The following UNC5C variants were observed in gnomAD, a reference collection of about 807,000 sequenced individuals.
UNC5C encodes unc-5 netrin receptor C.
UNC5C carries 47 observed loss-of-function variants against 99.8 expected under a neutral mutation model. The ratio of observed to expected loss-of-function variants is 0.47; its 90% confidence interval spans 0.37 to 0.60. The LOEUF is 0.60. Ranked by LOEUF, UNC5C falls within the 20% of genes least tolerant of loss-of-function variation. UNC5C has a pLI of 0.00. For missense variants in UNC5C, 1,062 were observed against 1,165.9 expected, an observed-to-expected ratio of 0.91 and a Z score of 1.30; for synonymous variants, 487 against 452.2, an observed-to-expected ratio of 1.08 and a Z score of -0.98.
intron 14 of UNC5C, among the ~76,000 whole-genome samples, chr4:95,178,160 C>G (rs559252921): frequency 6.6e-6 from 1 of 152,338 alleles, no homozygotes; most frequent in South Asian, 2.1e-4. Flanking sequence ...CCGTCCTTAC[C>G]GTGACTTGAC....
chr4:95,475,329 C>T (rs531875294), intron 1 of UNC5C, among the ~76,000 whole-genome samples: 5 of 151,952 alleles, frequency 3.3e-5, no homozygotes, highest in Non-Finnish European at 7.4e-5. Flanking sequence ...TTACTTAATT[C>T]ATTACTTGGG....
chr4:95,319,527 G>T (rs1415679199), intron 2 of UNC5C, among the ~76,000 whole-genome samples: 1 of 152,196 alleles, frequency 6.6e-6, no homozygotes, highest in African/African-American at 2.4e-5. Context: ...GTTGGCAAAT[G>T]GTAGCGCTCA....
At chr4:95,354,479 A>AT (rs1553965987) in intron 1 of UNC5C, among the ~76,000 whole-genome samples, 38 of 110,344 alleles carry the variant, frequency 3.4e-4, no homozygotes, top group Non-Finnish European at 4.7e-4. Context: ...ATATATATAT[A>AT]TTTTTTTTTT....
chr4:95,309,920 G>A (rs145097324), intron 2 of UNC5C, among the ~76,000 whole-genome samples: 1 of 152,140 alleles, frequency 6.6e-6, no homozygotes, highest in Non-Finnish European at 1.5e-5. Context: ...TGATCCAGCA[G>A]TTCCACTAAT....
At position 95,245,110 on chromosome 4, in the gene UNC5C, AGACCACTCCGTCCAGGTG is replaced by A. The variant is rs1490838628; in HGVS notation, c.792_809del (p.Thr265_Ser270del). On this transcript the variant is annotated inframe_deletion, in exon 6 of 16. Coordinates refer to ENST00000453304, the MANE Select transcript of UNC5C (RefSeq NM_003728.4). ...CTCGTCCACAGCGGCTGTTACACAC[AGACCACTCCGTCCAGGTG>A]GACCAGCCACCGTTGACTGAAAGGA... 6.2e-7 allele frequency: 1 copy of A among 1,613,476 alleles called. No homozygotes were observed. The highest frequency in any genetic ancestry group is 8.5e-7 in the Non-Finnish European group (1 of 1,179,870).
rs1322808377 is a variant in UNC5C, at chr4:95,185,182, A to G, written c.2151T>C (p.Leu717=). The G allele has an allele frequency of 1.2e-6, 2 of 1,607,952 alleles. No individual in the cohort carries two copies. The highest frequency in any genetic ancestry group is 4.5e-5 in the East Asian group (2 of 44,684). The change falls in exon 13 of 16, where the codon CTT becomes CTC. Residue 717 remains leucine, a synonymous_variant. Transcript: ENST00000453304. The stretch of plus-strand genomic sequence containing the variant: ...GGAGCTGTCCTCCCATCTGTCTCTC[A>G]AGATGTAAAATTTCCTATAATGACA... ...TQDALKEILH[L]ERQMGGQLLE...
At chr4:95,205,451 C>T (rs1217261908) in intron 11 of UNC5C, among the ~76,000 whole-genome samples, 1 of 152,066 alleles carries the variant, frequency 6.6e-6, no homozygotes, top group African/African-American at 2.4e-5. Flanking sequence ...AAGAGTAGAA[C>T]ATGCCCATAG....
intron 7 of UNC5C, among the ~76,000 whole-genome samples, chr4:95,225,495 A>T (rs1166279822): frequency 1.3e-5 from 2 of 152,226 alleles, no homozygotes; most frequent in African/African-American, 4.8e-5. Flanking sequence ...GATGGCTTCT[A>T]TAACACATGG....
At chr4:95,457,468 T>C (rs1747472661) in intron 1 of UNC5C, among the ~76,000 whole-genome samples, 1 of 152,108 alleles carries the variant, frequency 6.6e-6, no homozygotes, top group African/African-American at 2.4e-5. Flanking sequence ...ACCACCTTTG[T>C]CACTTTTCAT....
At chr4:95,299,234 G>T (rs543229479) in intron 3 of UNC5C, among the ~76,000 whole-genome samples, 6 of 152,250 alleles carry the variant, frequency 3.9e-5, no homozygotes, top group African/African-American at 1.4e-4. Flanking sequence ...AGACACCAGG[G>T]ATGTGCACAC....
chr4:95,306,603 G>A (rs1057213634), intron 2 of UNC5C, among the ~76,000 whole-genome samples: 1 of 152,134 alleles, frequency 6.6e-6, no homozygotes, highest in African/African-American at 2.4e-5. Context: ...TGCGCCTTCT[G>A]ATACTCCATG....
intron 5 of UNC5C, among the ~76,000 whole-genome samples, chr4:95,247,752 T>C (rs1432629775): frequency 6.6e-6 from 1 of 152,238 alleles, no homozygotes; most frequent in Non-Finnish European, 1.5e-5. Context: ...AACACATTCA[T>C]TGTATTTATG....
At chr4:95,492,305 C>A (rs141354649) in intron 1 of UNC5C, among the ~76,000 whole-genome samples, 1 of 151,090 alleles carries the variant, frequency 6.6e-6, no homozygotes, top group African/African-American at 2.4e-5. Flanking sequence ...ATGCTACTTC[C>A]GCCATTTATT....
At chr4:95,251,015 A>G (rs1207037077) in intron 4 of UNC5C, among the ~76,000 whole-genome samples, 2 of 152,236 alleles carry the variant, frequency 1.3e-5, no homozygotes, top group Admixed American at 1.3e-4. Flanking sequence ...TCAGAACCCA[A>G]TAAAAAATAA....
At chr4:95,217,649 T>C (rs1409128680) in intron 9 of UNC5C, among the ~76,000 whole-genome samples, 1 of 152,208 alleles carries the variant, frequency 6.6e-6, no homozygotes. Flanking sequence ...TCCCTTCCAC[T>C]TAAGAGGCCT....
chr4:95,466,856 A>T (rs1263813528), intron 1 of UNC5C, among the ~76,000 whole-genome samples: 6 of 152,162 alleles, frequency 3.9e-5, no homozygotes, highest in Non-Finnish European at 7.4e-5. Context: ...GCCATTCAAG[A>T]GGTGGAGTCT....
chr4:95,354,230 C>A (rs1744089166), intron 1 of UNC5C, among the ~76,000 whole-genome samples: 1 of 151,762 alleles, frequency 6.6e-6, no homozygotes, highest in Admixed American at 6.6e-5. Flanking sequence ...CTGACTAAGT[C>A]CCCCTGTGGT....
chr4:95,218,230 A>G (rs1738333559), intron 9 of UNC5C, among the ~76,000 whole-genome samples: 1 of 152,234 alleles, frequency 6.6e-6, no homozygotes, highest in Admixed American at 6.5e-5. Flanking sequence ...TAACCCTTTT[A>G]TGACCCATGG....
intron 1 of UNC5C, among the ~76,000 whole-genome samples, chr4:95,384,125 G>A (rs1745145940): frequency 6.6e-6 from 1 of 152,112 alleles, no homozygotes; most frequent in African/African-American, 2.4e-5. Context: ...TATGTTCCAA[G>A]CCCAAATATT....
Sources: allele counts gnomAD v4.1 joint callset (sites outside exome capture counted in the v4.1 genomes callset), GRCh38; gene constraint gnomAD v4.1.1; transcripts MANE v1.5; gene names NCBI Gene and HGNC (gene_info 2026-07-23, HGNC 2026-07-21).